The following TAFA1 variants were observed in gnomAD, a reference collection of about 807,000 sequenced individuals.
The protein encoded by TAFA1 is TAFA chemokine like family member 1.
Under a neutral mutation model 18.5 loss-of-function variants are expected in TAFA1, and 4 were observed. That is an observed-to-expected ratio of 0.22 (90% CI 0.11 to 0.49). The LOEUF is 0.49. Ranked by LOEUF, TAFA1 falls within the 20% of genes least tolerant of loss-of-function variation. TAFA1 has a pLI of 0.98. For missense variants in TAFA1, 147 were observed against 169.0 expected (o/e 0.87, Z 0.72); for synonymous variants, 56 against 55.2 (o/e 1.01, Z -0.06).
intron 2 of TAFA1, among the ~76,000 whole-genome samples, chr3:68,289,662 G>A (rs2068075211): frequency 1.3e-5 from 2 of 152,204 alleles, no homozygotes; most frequent in Admixed American, 1.3e-4. Context: ...GAGTGAAATG[G>A]CAATGAGTAG....
rs117223471 is a variant in TAFA1, at chr3:68,366,168, C to T, written c.119-51112C>T. Among the ~76,000 whole-genome samples the T allele has an allele frequency of 8.5e-3, 1,299 of 152,140 alleles. 45 individuals are homozygous for T. Among genetic ancestry groups the T allele is most frequent in the South Asian group, 0.082 (397 of 4,814 alleles). On this transcript the variant is annotated intron_variant, in intron 2 of 4. Transcript: ENST00000478136. Reference sequence around the variant, plus strand: ...AAAACCATATTGGGGAAACCGCCCCCATGATTCAGTTATCTCCCATGGGGT... The same window carrying T: ...AAAACCATATTGGGGAAACCGCCCCTATGATTCAGTTATCTCCCATGGGGT...
At chr3:68,530,347 G>A (rs1272796419) in intron 3 of TAFA1, among the ~76,000 whole-genome samples, 7 of 152,148 alleles carry the variant, frequency 4.6e-5, no homozygotes, top group Admixed American at 1.3e-4. Context: ...CTGAAATAAA[G>A]GATTGATTCT....
chr3:68,360,531 C>A (rs1047056339), intron 2 of TAFA1, among the ~76,000 whole-genome samples: 1 of 151,748 alleles, frequency 6.6e-6, no homozygotes, highest in Non-Finnish European at 1.5e-5. Context: ...AGCGGCTACT[C>A]GGTGGTTATG....
chr3:68,117,734 T>G (rs1434969152), intron 2 of TAFA1, among the ~76,000 whole-genome samples: 2 of 152,248 alleles, frequency 1.3e-5, no homozygotes, highest in Non-Finnish European at 2.9e-5. Context: ...AATCACAGCT[T>G]AATGTAAGTG....
chr3:68,204,745 T>A (rs890555896), intron 2 of TAFA1, among the ~76,000 whole-genome samples: 2 of 151,852 alleles, frequency 1.3e-5, no homozygotes, highest in African/African-American at 2.4e-5. Flanking sequence ...AATGGTGAAA[T>A]TTTTCAACTC....
intron 2 of TAFA1, among the ~76,000 whole-genome samples, chr3:68,345,689 A>C (rs2069153280): frequency 6.6e-6 from 1 of 152,196 alleles, no homozygotes; most frequent in African/African-American, 2.4e-5. Context: ...CCTTACAGCT[A>C]GAAATAATAA....
At chr3:68,227,926 G>T (rs1050097980) in intron 2 of TAFA1, among the ~76,000 whole-genome samples, 1 of 152,154 alleles carries the variant, frequency 6.6e-6, no homozygotes, top group East Asian at 1.9e-4. Context: ...ATCACTGGCC[G>T]TAACTTGGAG....
chr3:68,377,244 C>T (rs2069837005), intron 2 of TAFA1, among the ~76,000 whole-genome samples: 1 of 152,124 alleles, frequency 6.6e-6, no homozygotes, highest in Admixed American at 6.5e-5. Flanking sequence ...GTTTGGAAGG[C>T]TCAGAAGAAG....
intron 2 of TAFA1, among the ~76,000 whole-genome samples, chr3:68,178,058 G>A (rs1467261306): frequency 6.6e-6 from 1 of 151,978 alleles, no homozygotes; most frequent in Non-Finnish European, 1.5e-5. Context: ...GCAGGAGAAT[G>A]GCGTGAACCT....
intron 2 of TAFA1, among the ~76,000 whole-genome samples, chr3:68,093,222 C>T (rs1366218754): frequency 6.6e-6 from 1 of 152,056 alleles, no homozygotes; most frequent in Admixed American, 6.6e-5. Context: ...TCTTGTCCGG[C>T]CTGGTCACTG....
intron 3 of TAFA1, among the ~76,000 whole-genome samples, chr3:68,479,199 C>G (rs1029071170): frequency 2.9e-5 from 4 of 138,966 alleles, no homozygotes; most frequent in Non-Finnish European, 6.0e-5. Flanking sequence ...CCACTGCACT[C>G]CAGCCTGGTG....
intron 2 of TAFA1, among the ~76,000 whole-genome samples, chr3:68,350,504 A>G (rs1389222393): frequency 1.3e-5 from 2 of 152,232 alleles, no homozygotes; most frequent in East Asian, 3.9e-4. Flanking sequence ...TAGGCCTACC[A>G]CAGATTTCCT....
At chr3:68,114,347 C>T (rs2106843750) in intron 2 of TAFA1, among the ~76,000 whole-genome samples, 1 of 152,238 alleles carries the variant, frequency 6.6e-6, no homozygotes, top group South Asian at 2.1e-4. Flanking sequence ...GAACTATGAG[C>T]TAAATAATGC....
At chr3:68,299,156 G>C (rs10470572) in intron 2 of TAFA1, among the ~76,000 whole-genome samples, 1 of 152,186 alleles carries the variant, frequency 6.6e-6, no homozygotes, top group African/African-American at 2.4e-5. Flanking sequence ...CACATGTCCA[G>C]GATGGCACTT....
intron 2 of TAFA1, among the ~76,000 whole-genome samples, chr3:68,037,524 AG>A (rs1215778895): frequency 6.6e-6 from 1 of 152,222 alleles, no homozygotes; most frequent in Non-Finnish European, 1.5e-5. Flanking sequence ...TCTAAACTAC[AG>A]TTTCCATTTT....
chr3:68,447,418 A>G (rs1414580740), intron 3 of TAFA1, among the ~76,000 whole-genome samples: 1 of 152,200 alleles, frequency 6.6e-6, no homozygotes, highest in Non-Finnish European at 1.5e-5. Flanking sequence ...TAAATTTGCT[A>G]GATTTGATAA....
chr3:68,053,376 C>T (rs2106707728), intron 2 of TAFA1, among the ~76,000 whole-genome samples: 1 of 152,214 alleles, frequency 6.6e-6, no homozygotes, highest in East Asian at 1.9e-4. Flanking sequence ...CCTTAATCTA[C>T]ATGTGACAAA....
intron 3 of TAFA1, chr3:68,417,628 T>G: frequency 1.8e-6 from 1 of 564,652 alleles, no homozygotes; most frequent in Non-Finnish European, 3.1e-6. Context: ...AAATAGATGT[T>G]GAAATTTGCT....
At chr3:68,126,919 T>C (rs777223433) in intron 2 of TAFA1, among the ~76,000 whole-genome samples, 57 of 152,342 alleles carry the variant, frequency 3.7e-4, no homozygotes, top group Non-Finnish European at 8.1e-4. Context: ...GGGTTCGTAA[T>C]TTCATCTTTT....
Sources: gnomAD v4.1 joint callset for allele counts (sites outside exome capture counted in the v4.1 genomes callset) on GRCh38, gnomAD v4.1.1 for gene constraint, MANE v1.5 for transcripts, NCBI Gene and HGNC (gene_info 2026-07-23, HGNC 2026-07-21) for gene names.